Variants in TSPAN18 observed in about 807,000 individuals in gnomAD.
The protein encoded by TSPAN18 is tetraspanin-18.
A neutral mutation model predicts 27.3 loss-of-function variants in TSPAN18; 14 were observed. That is an observed-to-expected ratio of 0.51 (90% CI 0.34 to 0.80). TSPAN18 has a LOEUF of 0.80. TSPAN18 is among the 30% of genes least tolerant of loss of function. The probability of loss-of-function intolerance (pLI) is 0.01; values close to 1 mark genes in which losing one functional copy is unlikely to be tolerated. For synonymous variants in TSPAN18, 143 were observed against 136.5 expected (o/e 1.05, Z -0.33); for missense variants, 268 against 323.9 (o/e 0.83, Z 1.32).
At chr11:44,917,823 G>A in intron 5 of TSPAN18, 149 bp from the exon 6 acceptor site, 2 of 654,498 alleles carry the variant, frequency 3.1e-6, no homozygotes, top group Non-Finnish European at 5.4e-6. Context: ...TGTTTGTTAT[G>A]AAAAATGTCT....
At chr11:44,762,948 G>A (rs545899348) in intron 1 of TSPAN18, among the ~76,000 whole-genome samples, 4 of 152,098 alleles carry the variant, frequency 2.6e-5, no homozygotes, top group East Asian at 3.9e-4. Flanking sequence ...ACTACACTAC[G>A]GAAACCAACA....
At chr11:44,917,809 G>T (rs1259945528) in intron 5 of TSPAN18, 163 bp from the exon 6 acceptor site, 9 of 622,816 alleles carry the variant, frequency 1.4e-5, no homozygotes, top group Non-Finnish European at 2.6e-5. Context: ...AGGAATCACT[G>T]GTGTGTTTGT....
chr11:44,886,563 G>T (rs921634581), intron 3 of TSPAN18: 1 of 152,144 alleles, frequency 6.6e-6, no homozygotes, highest in Non-Finnish European at 1.5e-5. Context: ...GGGCTTTCGG[G>T]GCTGTGAAGC....
At chr11:44,848,284 A>G (rs778953339) in intron 2 of TSPAN18, among the ~76,000 whole-genome samples, 1 of 152,130 alleles carries the variant, frequency 6.6e-6, no homozygotes, top group Non-Finnish European at 1.5e-5. Context: ...TTGCGCACCA[A>G]AGATGGGGCA....
At chr11:44,730,168 T>G (rs1854617866) in intron 1 of TSPAN18, among the ~76,000 whole-genome samples, 1 of 152,064 alleles carries the variant, frequency 6.6e-6, no homozygotes, top group Non-Finnish European at 1.5e-5. Context: ...TGCAGCAGCT[T>G]CAGAAACCAG....
intron 3 of TSPAN18, among the ~76,000 whole-genome samples, chr11:44,890,942 C>G (rs533724349): frequency 6.6e-6 from 1 of 152,088 alleles, no homozygotes; most frequent in Non-Finnish European, 1.5e-5. Context: ...GAGACCAAGG[C>G]AGGAGATTGC....
chr11:44,811,754 AC>A (rs1252748938), intron 2 of TSPAN18, among the ~76,000 whole-genome samples: 1 of 152,158 alleles, frequency 6.6e-6, no homozygotes, highest in African/African-American at 2.4e-5. Flanking sequence ...GAGCCACTGC[AC>A]CCGGCCTATG....
rs544422888 is a variant in TSPAN18 at position 44,909,761 on chromosome 11, C to A, written c.120C>A (p.Gly40=). Residue 40 remains glycine (G), a synonymous_variant, in exon 5 of 10, where the codon GGC becomes GGA. Coordinates refer to ENST00000520358, the MANE Select transcript of TSPAN18 (RefSeq NM_130783.5). ...TCTGGGTCATGGTGGACCCCACCGG[C>A]TTCCGGGAGATCGTGGCTGCCAATC... ...IGIWVMVDPT[G]FREIVAANPL... 1.5e-5 allele frequency: 25 copies of A among 1,613,744 alleles called. No individual in the cohort carries two copies. In the East Asian group the frequency reaches 5.3e-4, roughly 35 times the overall value.
chr11:44,840,692 G>T (rs544194057), intron 2 of TSPAN18, among the ~76,000 whole-genome samples: 1 of 152,146 alleles, frequency 6.6e-6, no homozygotes, highest in South Asian at 2.1e-4. Flanking sequence ...AACACACCAC[G>T]TTCATTATCC....
intron 6 of TSPAN18, 115 bp downstream of exon 6, chr11:44,918,161 C>A: frequency 1.8e-6 from 2 of 1,087,346 alleles, no homozygotes; most frequent in East Asian, 2.4e-5. Flanking sequence ...AGCCTCTCAT[C>A]TGGCACTTCC....
intron 2 of TSPAN18, among the ~76,000 whole-genome samples, chr11:44,796,242 T>C (rs1856346678): frequency 1.3e-5 from 2 of 152,316 alleles, no homozygotes; most frequent in Middle Eastern, 3.4e-3. Context: ...ATGATCATTA[T>C]TTAGAGTTCA....
chr11:44,744,206 G>A (rs140991883), intron 1 of TSPAN18, among the ~76,000 whole-genome samples: 44 of 152,248 alleles, frequency 2.9e-4, no homozygotes, highest in African/African-American at 1.0e-3. Flanking sequence ...TTATCGCTTC[G>A]GAAAAGGCCA....
intron 2 of TSPAN18, among the ~76,000 whole-genome samples, chr11:44,834,444 G>T (rs1857222059): frequency 1.3e-5 from 2 of 152,296 alleles, no homozygotes; most frequent in African/African-American, 4.8e-5. Context: ...CACTGTGTGT[G>T]CCTGGGTTGT....
At chr11:44,897,149 C>G (rs1179353556) in intron 3 of TSPAN18, among the ~76,000 whole-genome samples, 2 of 152,168 alleles carry the variant, frequency 1.3e-5, no homozygotes, top group Non-Finnish European at 1.5e-5. Context: ...GTGGAATTCC[C>G]CGCAGGAGTG....
chr11:44,804,622 G>A (rs1856552637), intron 2 of TSPAN18, among the ~76,000 whole-genome samples: 1 of 152,198 alleles, frequency 6.6e-6, no homozygotes, highest in African/African-American at 2.4e-5. Context: ...TTTGGGGACT[G>A]GCGAGCAGCG....
chr11:44,832,889 T>G (rs1857185038), intron 2 of TSPAN18, among the ~76,000 whole-genome samples: 1 of 152,238 alleles, frequency 6.6e-6, no homozygotes, highest in South Asian at 2.1e-4. Context: ...GGTCTGAATA[T>G]CTAGGATATC....
Position 44,909,743 on chromosome 11 carries a change from C to A in TSPAN18, c.102C>A (p.Val34=). The A allele has an allele frequency of 6.2e-7, 1 of 1,613,156 alleles. No individual in the cohort carries two copies. The highest frequency in any genetic ancestry group is 1.1e-5 in the South Asian group (1 of 91,022). ...GCCTGCTGGCCATCGGCATCTGGGT[C>A]ATGGTGGACCCCACCGGCTTCCGGG... ...GACLLAIGIW[V]MVDPTGFREI... is the part of the protein sequence containing the mutation. Residue 34 remains valine, a synonymous_variant, in exon 5 of 10, where the codon GTC becomes GTA. Coordinates refer to ENST00000520358, the MANE Select transcript of TSPAN18 (RefSeq NM_130783.5).
intron 2 of TSPAN18, among the ~76,000 whole-genome samples, chr11:44,826,297 G>T (rs1857042033): frequency 6.6e-6 from 1 of 152,218 alleles, no homozygotes; most frequent in African/African-American, 2.4e-5. Context: ...TGTGGTGCAT[G>T]CCTGTAATCC....
At chr11:44,916,703 T>C (rs1859923144) in intron 5 of TSPAN18, among the ~76,000 whole-genome samples, 1 of 152,074 alleles carries the variant, frequency 6.6e-6, no homozygotes, top group South Asian at 2.1e-4. Flanking sequence ...CCAACACCCT[T>C]TGCCTCCTTC....
Sources: allele counts gnomAD v4.1 joint callset (sites outside exome capture counted in the v4.1 genomes callset), GRCh38; gene constraint gnomAD v4.1.1; transcripts MANE v1.5; gene names NCBI Gene and HGNC (gene_info 2026-07-23, HGNC 2026-07-21).